Variants in MLIP observed in about 807,000 individuals in gnomAD.
MLIP encodes the protein muscular LMNA interacting protein, also known as muscular LMNA-interacting protein.
MLIP carries 79 observed loss-of-function variants against 84.8 expected under a neutral mutation model. That is an observed-to-expected ratio of 0.93 (90% confidence interval 0.78 to 1.12). The LOEUF (loss-of-function observed/expected upper bound fraction) is 1.12. Among genes scored for constraint, MLIP ranks in the 50% most tolerant of loss-of-function variants. The pLI is 0.00. For missense variants in MLIP, 1,257 were observed against 1,160.6 expected (o/e 1.08, Z -1.21); for synonymous variants, 504 against 463.0 (o/e 1.09, Z -1.14).
intron 1 of MLIP, among the ~76,000 whole-genome samples, chr6:54,024,851 T>A (rs1480013545): frequency 1.3e-5 from 2 of 152,020 alleles, no homozygotes; most frequent in African/African-American, 2.4e-5. Flanking sequence ...TTATTATTAT[T>A]TTTGGAGATG....
At chr6:54,264,453 A>G (rs1044962579) in intron 13 of MLIP, among the ~76,000 whole-genome samples, 1 of 152,076 alleles carries the variant, frequency 6.6e-6, no homozygotes, top group Admixed American at 6.6e-5. Context: ...AATTTGGAGC[A>G]CTATGACCTT....
chr6:54,021,813 A>G (rs1479245096), intron 1 of MLIP, among the ~76,000 whole-genome samples: 1 of 152,240 alleles, frequency 6.6e-6, no homozygotes, highest in Admixed American at 6.5e-5. Context: ...ATGCCAAGTG[A>G]AATTTCTCAT....
chr6:54,201,744 T>C (rs1293930220), intron 10 of MLIP, among the ~76,000 whole-genome samples: 1 of 152,128 alleles, frequency 6.6e-6, no homozygotes, highest in Non-Finnish European at 1.5e-5. Flanking sequence ...TATACCAAAG[T>C]CATCTATGCT....
At chr6:54,088,142 A>G (rs1440670863) in intron 1 of MLIP, among the ~76,000 whole-genome samples, 1 of 152,158 alleles carries the variant, frequency 6.6e-6, no homozygotes, top group African/African-American at 2.4e-5. Context: ...TCAGAATTGA[A>G]GTAAAATAGT....
rs1434386232 is a variant in MLIP at position 54,169,594 on chromosome 6, C to T, written c.2544+22C>T. ...ATATGTAAGTACCTTTATAATTATA[C>T]ACACTGCTTTTCAAATGGGTGCCTG... On this transcript the variant is annotated intron_variant, in intron 9 of 13. Coordinates refer to ENST00000502396, the MANE Select transcript of MLIP (RefSeq NM_001281747.2). 2.6e-6 allele frequency: 4 copies of T among 1,551,622 alleles called. No homozygotes were observed. The Admixed American group carries it at 5.5e-5, about 21-fold the overall frequency.
chr6:54,181,489 G>A (rs1776864574), intron 9 of MLIP, among the ~76,000 whole-genome samples: 1 of 152,142 alleles, frequency 6.6e-6, no homozygotes, highest in Admixed American at 6.5e-5. Flanking sequence ...GACCTCAAAA[G>A]CCTGTTTGTT....
intron 12 of MLIP, among the ~76,000 whole-genome samples, chr6:54,232,317 A>G (rs1354069946): frequency 1.3e-5 from 2 of 152,072 alleles, no homozygotes; most frequent in African/African-American, 4.8e-5. Context: ...TGATATTTTG[A>G]AAGTGTTTTC....
chr6:54,070,283 A>G (rs1056660569), intron 1 of MLIP, among the ~76,000 whole-genome samples: 2 of 152,158 alleles, frequency 1.3e-5, no homozygotes, highest in Non-Finnish European at 1.5e-5. Flanking sequence ...GGGATGATCT[A>G]GCACAGTTTG....
chr6:54,027,232 G>A (rs9474704), intron 1 of MLIP, among the ~76,000 whole-genome samples: 21,622 of 152,016 alleles, frequency 0.14, 1,959 homozygotes, highest in South Asian at 0.23. Context: ...TGGATCATGG[G>A]TAAATATTGT....
chr6:54,239,366 TAA>T lies in MLIP; in HGVS notation c.2922+8450_2922+8451del, dbSNP rs575812081. On this transcript the variant is annotated intron_variant, in intron 12 of 13. Coordinates refer to ENST00000502396, the MANE Select transcript of MLIP (RefSeq NM_001281747.2). ...TCTGGGCCATTTAAACATATATATA[TAA>T]TATATATATATATAATATATATATA... is the stretch of plus-strand genomic sequence containing the variant. Among the ~76,000 whole-genome samples the T allele has an allele frequency of 4.8e-4, 71 of 146,748 alleles. 1 individual carries two copies. The highest frequency in any genetic ancestry group is 1.4e-3 in the African/African-American group (55 of 40,186).
chr6:54,206,110 G>T (rs1011413493), intron 11 of MLIP, among the ~76,000 whole-genome samples: 3 of 152,076 alleles, frequency 2.0e-5, no homozygotes, highest in African/African-American at 7.2e-5. Context: ...GAGCTGAATG[G>T]TATTTAGTTT....
intron 9 of MLIP, among the ~76,000 whole-genome samples, chr6:54,187,024 G>T (rs922925381): frequency 7.9e-5 from 12 of 152,050 alleles, no homozygotes; most frequent in African/African-American, 2.9e-4. Context: ...AAAGAAAAAA[G>T]ATAATTTAAA....
intron 1 of MLIP, among the ~76,000 whole-genome samples, chr6:54,039,320 C>A (rs1350244582): frequency 6.6e-6 from 1 of 151,780 alleles, no homozygotes; most frequent in Non-Finnish European, 1.5e-5. Flanking sequence ...CTGGGAGTTG[C>A]CATTTAAAAA....
At chr6:54,112,292 C>T (rs900788589) in intron 1 of MLIP, among the ~76,000 whole-genome samples, 2 of 152,146 alleles carry the variant, frequency 1.3e-5, no homozygotes, top group African/African-American at 2.4e-5. Flanking sequence ...TTTGTTCTCT[C>T]CTAAACAAGG....
chr6:54,202,154 T>G lies in MLIP; in HGVS notation c.2639T>G (p.Leu880Arg). The G allele has an allele frequency of 6.2e-7, 1 of 1,603,242 alleles. No individual in the cohort carries two copies. The highest frequency in any genetic ancestry group is 8.5e-7 in the Non-Finnish European group (1 of 1,173,780). Reference protein sequence around the residue: ...RPVPVKSRILLKKEEEVYEPN... With the variant: ...RPVPVKSRILRKKEEEVYEPN... ...GTACCTGTAAAATCCAGAATATTAC[T>G]GAAAAAAGAGGAGGAAGTCTATGAA... The change falls in exon 11 of 14, where the codon CTG becomes CGG. Residue 880 changes from leucine to arginine, a missense_variant. Coordinates refer to ENST00000502396, the MANE Select transcript of MLIP (RefSeq NM_001281747.2).
At chr6:54,205,292 T>C (rs1406048367) in intron 11 of MLIP, among the ~76,000 whole-genome samples, 1 of 152,232 alleles carries the variant, frequency 6.6e-6, no homozygotes, top group African/African-American at 2.4e-5. Flanking sequence ...TGTCTTCTCT[T>C]ACACTGCTGC....
At chr6:54,028,596 T>TTGAACTCAGCTTTCA (rs1763952313) in intron 1 of MLIP, among the ~76,000 whole-genome samples, 1 of 152,238 alleles carries the variant, frequency 6.6e-6, no homozygotes, top group Non-Finnish European at 1.5e-5. Context: ...GTTTTTCCAC[T>TTGAACTCAGCTTTCA]TGAACTCAGC....
At chr6:54,167,910 T>A (rs2792658) in intron 8 of MLIP, among the ~76,000 whole-genome samples, 1 of 151,628 alleles carries the variant, frequency 6.6e-6, no homozygotes, top group African/African-American at 2.4e-5. Context: ...TCTCTATACC[T>A]GTGAGATATC....
chr6:54,036,999 C>G (rs1711901016), intron 1 of MLIP, among the ~76,000 whole-genome samples: 1 of 152,006 alleles, frequency 6.6e-6, no homozygotes, highest in African/African-American at 2.4e-5. Context: ...TAAAAATATT[C>G]TTGCAGTATT....
Sources: gnomAD v4.1 joint callset for allele counts (sites outside exome capture counted in the v4.1 genomes callset) on GRCh38, gnomAD v4.1.1 for gene constraint, MANE v1.5 for transcripts, NCBI Gene and HGNC (gene_info 2026-07-23, HGNC 2026-07-21) for gene names.